Variants in PDE4D observed in about 807,000 individuals in gnomAD.
PDE4D encodes the protein phosphodiesterase 4D.
A neutral mutation model predicts 87.4 loss-of-function variants in PDE4D; 24 were observed. The observed-to-expected ratio is 0.27, with a 90% CI of 0.20 to 0.39. The LOEUF is 0.39. PDE4D is among the 10% of genes least tolerant of loss of function. The pLI is 1.00. For synonymous variants in PDE4D, 384 were observed against 383.2 expected (o/e 1.00, Z -0.02); for missense variants, 714 against 1,041.0 (o/e 0.69, Z 4.32).
rs1351714741 is a variant in PDE4D at position 59,668,884 on chromosome 5, A to G, written c.455+224284T>C. On this transcript the variant is annotated intron_variant, in intron 1 of 14. Transcript: ENST00000340635. ...AAGAAGAAGAAGAAGAAGAAGAAGAAGAAGAAGAAGAAGAAGAAGAAGAAG... is the reference window on the plus strand; with the variant it reads ...AAGAAGAAGAAGAAGAAGAAGAAGAGGAAGAAGAAGAAGAAGAAGAAGAAG... Among the ~76,000 whole-genome samples, 106 of 79,008 alleles carry G rather than the reference A, an allele frequency of 1.3e-3. 2 individuals carry two copies. The highest frequency in any genetic ancestry group is 5.6e-3 in the African/African-American group (102 of 18,152). 51.8% of individuals were successfully genotyped at this position (79,008 alleles called of 152,430 possible).
intron 1 of PDE4D, among the ~76,000 whole-genome samples, chr5:60,227,139 GT>G (rs1164009416): frequency 6.6e-6 from 1 of 151,636 alleles, no homozygotes; most frequent in East Asian, 1.9e-4. Flanking sequence ...AATATTTAAA[GT>G]TTCCCCAATC....
intron 1 of PDE4D, among the ~76,000 whole-genome samples, chr5:59,287,007 A>C (rs1767077540): frequency 6.6e-6 from 1 of 152,182 alleles, no homozygotes. Flanking sequence ...AACAAATTGA[A>C]CAACTCTCCA....
intron 3 of PDE4D, among the ~76,000 whole-genome samples, chr5:59,189,232 G>GTTTTTTTTTTTTTTTTTTTTTTTTTTTT (rs34203891): frequency 1.0e-5 from 1 of 99,898 alleles, no homozygotes. Flanking sequence ...TTCCTACCCC[G>GTTTTTTTTTTTTTTTTTTTTTTTTTTTT]TTTTTTTTTT....
intron 1 of PDE4D, among the ~76,000 whole-genome samples, chr5:59,740,225 T>A (rs962676398): frequency 1.3e-5 from 2 of 152,216 alleles, no homozygotes; most frequent in African/African-American, 4.8e-5. Flanking sequence ...CAGTCTGGAC[T>A]TTCTAAGTAC....
intron 1 of PDE4D, among the ~76,000 whole-genome samples, chr5:60,258,046 C>T (rs1749281944): frequency 6.6e-6 from 1 of 152,000 alleles, no homozygotes; most frequent in Admixed American, 6.6e-5. Flanking sequence ...ACACACACCT[C>T]ACTCGCCAGG....
chr5:60,404,968 G>C (rs1741415435), intron 1 of PDE4D, among the ~76,000 whole-genome samples: 1 of 152,214 alleles, frequency 6.6e-6, no homozygotes, highest in Non-Finnish European at 1.5e-5. Context: ...GAGGAAACTA[G>C]AGTTCAAAGA....
chr5:59,432,437 G>A (rs1288336362), intron 1 of PDE4D, among the ~76,000 whole-genome samples: 1 of 152,002 alleles, frequency 6.6e-6, no homozygotes, highest in East Asian at 1.9e-4. Flanking sequence ...AAACACATTT[G>A]CTAATATATT....
intron 8 of PDE4D, 125 bp downstream of exon 8, chr5:58,991,707 T>C (rs1169711480): frequency 5.6e-6 from 3 of 533,252 alleles, no homozygotes; most frequent in Non-Finnish European, 8.0e-6. Context: ...CTTCCCATCT[T>C]CAAAAAAAGA....
At chr5:60,027,245 G>A (rs759758375) in intron 2 of PDE4D, among the ~76,000 whole-genome samples, 6 of 152,076 alleles carry the variant, frequency 3.9e-5, no homozygotes, top group South Asian at 2.1e-4. Context: ...CCCTCTTGGA[G>A]TCTCTAGTGT....
intron 1 of PDE4D, among the ~76,000 whole-genome samples, chr5:59,413,085 C>G (rs34733788): frequency 0.17 from 25,812 of 152,112 alleles, 2,910 homozygotes; most frequent in African/African-American, 0.31. Flanking sequence ...CTATTAGACT[C>G]TTCCTGCCCT....
At chr5:60,045,851 T>C (rs1352495011) in intron 2 of PDE4D, among the ~76,000 whole-genome samples, 3 of 152,218 alleles carry the variant, frequency 2.0e-5, no homozygotes. Context: ...TGCGGGCTCT[T>C]TTATGGTTCC....
chr5:60,475,766 A>T (rs1327434525), intron 1 of PDE4D, among the ~76,000 whole-genome samples: 1 of 150,090 alleles, frequency 6.7e-6, no homozygotes, highest in Admixed American at 6.7e-5. Flanking sequence ...AAAATCAGAG[A>T]CTTCCTAAAA....
intron 1 of PDE4D, among the ~76,000 whole-genome samples, chr5:60,386,562 AG>A (rs1269442725): frequency 2.0e-5 from 3 of 152,142 alleles, no homozygotes; most frequent in African/African-American, 7.2e-5. Flanking sequence ...GTTCCTCTGC[AG>A]GGGGGTTCTG....
At chr5:59,597,338 G>C (rs1826841370) in intron 1 of PDE4D, among the ~76,000 whole-genome samples, 1 of 152,174 alleles carries the variant, frequency 6.6e-6, no homozygotes, top group Non-Finnish European at 1.5e-5. Flanking sequence ...AAAATGCACA[G>C]AGTGGCGTTA....
chr5:60,114,217 A>T (rs1777934195), intron 2 of PDE4D, among the ~76,000 whole-genome samples: 1 of 152,122 alleles, frequency 6.6e-6, no homozygotes, highest in African/African-American at 2.4e-5. Flanking sequence ...TCACTTGTAA[A>T]TGATATCCAT....
chr5:59,561,696 G>A (rs1202946807), intron 1 of PDE4D, among the ~76,000 whole-genome samples: 3 of 152,022 alleles, frequency 2.0e-5, no homozygotes, highest in African/African-American at 2.4e-5. Flanking sequence ...TTGGGCAGCC[G>A]AGGCAGGCAG....
At chr5:59,849,665 G>T (rs1744387970) in intron 1 of PDE4D, among the ~76,000 whole-genome samples, 1 of 151,730 alleles carries the variant, frequency 6.6e-6, no homozygotes, top group Non-Finnish European at 1.5e-5. Flanking sequence ...GGACAAAAGA[G>T]AGTTCACAGT....
chr5:59,663,644 A>T (rs1745610801), intron 1 of PDE4D, among the ~76,000 whole-genome samples: 1 of 152,188 alleles, frequency 6.6e-6, no homozygotes, highest in African/African-American at 2.4e-5. Flanking sequence ...AAGCAAATGA[A>T]CTATTTTACT....
chr5:60,115,245 T>C (rs988743603), intron 2 of PDE4D, among the ~76,000 whole-genome samples: 2 of 152,114 alleles, frequency 1.3e-5, no homozygotes, highest in Non-Finnish European at 2.9e-5. Flanking sequence ...CGTCCTTTAA[T>C]TGATCCATTT....
Sources: allele counts gnomAD v4.1 joint callset (sites outside exome capture counted in the v4.1 genomes callset), GRCh38; gene constraint gnomAD v4.1.1; transcripts MANE v1.5; gene names NCBI Gene and HGNC (gene_info 2026-07-23, HGNC 2026-07-21).